ZCCHC7: variants seen among roughly 807,000 people sequenced by gnomAD.
ZCCHC7 encodes the protein zinc finger CCHC domain-containing protein 7.
ZCCHC7 carries 35 observed loss-of-function variants against 52.0 expected under a neutral mutation model. The ratio of observed to expected loss-of-function variants is 0.67; its 90% CI spans 0.51 to 0.89. ZCCHC7 has a LOEUF of 0.89. Ranked by LOEUF, ZCCHC7 falls within the 40% of genes least tolerant of loss-of-function variation. The pLI, the probability that ZCCHC7 is intolerant of heterozygous loss-of-function variation, is 0.00. For synonymous variants in ZCCHC7, 217 were observed against 221.5 expected (o/e 0.98, Z 0.18); for missense variants, 574 against 649.1 (o/e 0.88, Z 1.26).
At position 37,283,398 on chromosome 9, in the gene ZCCHC7, A is replaced by G. The variant is rs16933989; in HGVS notation, c.611-18790A>G. Among the ~76,000 whole-genome samples, 651 of 152,302 alleles carry G rather than the reference A, an allele frequency of 4.3e-3. 3 individuals are homozygous for G. Among genetic ancestry groups the G allele is most frequent in the African/African-American group, 0.015 (623 of 41,564 alleles). On this transcript the variant is annotated intron_variant, in intron 2 of 8. Coordinates refer to ENST00000336755, the MANE Select transcript of ZCCHC7 (RefSeq NM_032226.3). ...CCCAAGATTTTACATATCTACATCT[A>G]ACTATAGCCTCTTCAAGTACTCCTA...
chr9:37,226,908 T>C (rs1825136016), intron 2 of ZCCHC7, among the ~76,000 whole-genome samples: 1 of 151,534 alleles, frequency 6.6e-6, no homozygotes, highest in Non-Finnish European at 1.5e-5. Context: ...TGGGCGCCTG[T>C]AGTCCCAGCT....
At chr9:37,267,491 G>A (rs1033082068) in intron 2 of ZCCHC7, among the ~76,000 whole-genome samples, 1 of 151,420 alleles carries the variant, frequency 6.6e-6, no homozygotes, top group Non-Finnish European at 1.5e-5. Flanking sequence ...CCTCGACCTC[G>A]ACCTCCCAAG....
At chr9:37,153,061 T>C (rs1302670975) in intron 2 of ZCCHC7, among the ~76,000 whole-genome samples, 1 of 152,184 alleles carries the variant, frequency 6.6e-6, no homozygotes, top group African/African-American at 2.4e-5. Context: ...GCTTTGACCT[T>C]TGGGAGTGCT....
At chr9:37,298,744 T>C (rs1339793436) in intron 2 of ZCCHC7, among the ~76,000 whole-genome samples, 2 of 152,226 alleles carry the variant, frequency 1.3e-5, no homozygotes, top group Admixed American at 1.3e-4. Context: ...ACTGTATTTT[T>C]ACATAGGTAC....
chr9:37,338,940 A>G (rs1425896681), intron 6 of ZCCHC7, among the ~76,000 whole-genome samples: 1 of 152,206 alleles, frequency 6.6e-6, no homozygotes, highest in African/African-American at 2.4e-5. Context: ...AATGCTCCAA[A>G]GGAGACGTTC....
chr9:37,121,844 C>G (rs892063176), intron 1 of ZCCHC7, among the ~76,000 whole-genome samples: 1 of 152,084 alleles, frequency 6.6e-6, no homozygotes, highest in African/African-American at 2.4e-5. Context: ...CTCTGTTTGT[C>G]TTTTGTGACT....
chr9:37,353,364 C>G lies in ZCCHC7; in HGVS notation c.1084-1346C>G, dbSNP rs56059906. ...TTGAGGCTGCCAGTTTGAGACCAGCCTTGGTAACATAGTGAGACCTTGCCT... is the reference window on the plus strand; with the variant it reads ...TTGAGGCTGCCAGTTTGAGACCAGCGTTGGTAACATAGTGAGACCTTGCCT... On this transcript the variant is annotated intron_variant, in intron 7 of 8. Transcript: ENST00000336755. Among the ~76,000 whole-genome samples the G allele has an allele frequency of 3.9e-3, 599 of 152,290 alleles. 3 individuals carry two copies. The highest frequency in any genetic ancestry group is 0.013 in the African/African-American group (561 of 41,560).
At chr9:37,259,026 C>T (rs1252766831) in intron 2 of ZCCHC7, among the ~76,000 whole-genome samples, 1 of 151,518 alleles carries the variant, frequency 6.6e-6, no homozygotes, top group African/African-American at 2.4e-5. Context: ...AGGCAAGCAT[C>T]GAAAAGAAAC....
chr9:37,233,203 C>T (rs1412862254), intron 2 of ZCCHC7, among the ~76,000 whole-genome samples: 1 of 152,142 alleles, frequency 6.6e-6, no homozygotes, highest in Non-Finnish European at 1.5e-5. Flanking sequence ...GCCATACCCA[C>T]CAGACATTAT....
At chr9:37,291,763 G>C (rs1828549484) in intron 2 of ZCCHC7, among the ~76,000 whole-genome samples, 1 of 151,976 alleles carries the variant, frequency 6.6e-6, no homozygotes, top group Non-Finnish European at 1.5e-5. Flanking sequence ...GTGCAATCTT[G>C]GCTCACCGCA....
At chr9:37,283,323 T>A (rs889848690) in intron 2 of ZCCHC7, among the ~76,000 whole-genome samples, 1 of 152,200 alleles carries the variant, frequency 6.6e-6, no homozygotes, top group South Asian at 2.1e-4. Flanking sequence ...TCCCATAGTT[T>A]CAGGAGAAAA....
intron 2 of ZCCHC7, chr9:37,284,305 T>G (rs1003470605): frequency 6.6e-6 from 1 of 152,176 alleles, no homozygotes; most frequent in Non-Finnish European, 1.5e-5. Context: ...GAACAATATC[T>G]GAAAAGGAAG....
intron 5 of ZCCHC7, among the ~76,000 whole-genome samples, chr9:37,318,235 G>A (rs1829907633): frequency 6.6e-6 from 1 of 152,046 alleles, no homozygotes; most frequent in Admixed American, 6.6e-5. Context: ...GCCGGGCGCA[G>A]TGGATCACCT....
intron 2 of ZCCHC7, among the ~76,000 whole-genome samples, chr9:37,218,824 G>A (rs575903520): frequency 1.2e-4 from 18 of 151,690 alleles, no homozygotes; most frequent in Admixed American, 2.6e-4. Flanking sequence ...AAAATAAAAC[G>A]AATTGTATCC....
intron 2 of ZCCHC7, among the ~76,000 whole-genome samples, chr9:37,204,162 TTTC>T (rs1823783618): frequency 6.6e-6 from 1 of 152,212 alleles, no homozygotes; most frequent in African/African-American, 2.4e-5. Context: ...TGTTTGTTTT[TTTC>T]TTGTAAATTT....
intron 2 of ZCCHC7, among the ~76,000 whole-genome samples, chr9:37,256,166 T>C (rs1285080682): frequency 1.3e-5 from 2 of 152,148 alleles, no homozygotes; most frequent in Non-Finnish European, 2.9e-5. Flanking sequence ...GTCAGCAGAA[T>C]TTATAAATTA....
chr9:37,222,328 A>G (rs550623573), intron 2 of ZCCHC7, among the ~76,000 whole-genome samples: 1 of 133,002 alleles, frequency 7.5e-6, no homozygotes, highest in East Asian at 2.2e-4. Flanking sequence ...AGAATAACAG[A>G]GTGTGTGTGT....
At chr9:37,122,487 T>C (rs1842358062) in intron 1 of ZCCHC7, among the ~76,000 whole-genome samples, 1 of 152,232 alleles carries the variant, frequency 6.6e-6, no homozygotes, top group African/African-American at 2.4e-5. Context: ...CAAACGTGTG[T>C]TTTCCTTACA....
At chr9:37,190,902 A>G (rs1822984000) in intron 2 of ZCCHC7, among the ~76,000 whole-genome samples, 1 of 152,040 alleles carries the variant, frequency 6.6e-6, no homozygotes, top group African/African-American at 2.4e-5. Flanking sequence ...CTTGCCTGTA[A>G]TCCCAGCTAC....
Sources: gnomAD v4.1 joint callset for allele counts (sites outside exome capture counted in the v4.1 genomes callset) on GRCh38, gnomAD v4.1.1 for gene constraint, MANE v1.5 for transcripts, NCBI Gene and HGNC (gene_info 2026-07-23, HGNC 2026-07-21) for gene names.